DCUN1D1: variants seen among roughly 807,000 people sequenced by gnomAD.
DCUN1D1 encodes DCN1-like protein 1.
Under a neutral mutation model 39.0 loss-of-function variants are expected in DCUN1D1, and 3 were observed. The ratio of observed to expected loss-of-function variants is 0.08; its 90% CI spans 0.04 to 0.20. The LOEUF (loss-of-function observed/expected upper bound fraction) is 0.20. Among genes scored for constraint, DCUN1D1 ranks in the 10% least tolerant of loss-of-function variants. The pLI is 1.00. For missense variants in DCUN1D1, 158 were observed against 302.4 expected (o/e 0.52, Z 3.54); for synonymous variants, 82 against 96.3 (o/e 0.85, Z 0.87).
chr3:182,976,444 T>TACATACACAC, intron 1 of DCUN1D1, among the ~76,000 whole-genome samples: 1 of 140,772 alleles, frequency 7.1e-6, no homozygotes, highest in African/African-American at 2.7e-5. Flanking sequence ...TATACATACA[T>TACATACACAC]ACACACACAC....
chr3:182,957,501 C>T (rs184589395), intron 4 of DCUN1D1, among the ~76,000 whole-genome samples: 464 of 152,160 alleles, frequency 3.0e-3, no homozygotes, highest in African/African-American at 0.011. Flanking sequence ...GTGGCACACG[C>T]CTGTAGTCTG....
chr3:182,980,529 C>A lies in DCUN1D1; in HGVS notation c.-40G>T. On this transcript the variant is annotated 5_prime_UTR_variant, in exon 1 of 7. Transcript: ENST00000292782. Reference sequence around the variant, plus strand: ...GGCCTCTCCCCTCCTCCTCCGGCTCCGCAGCGAATGGACGGCGGCGGCGGC... The same window carrying A: ...GGCCTCTCCCCTCCTCCTCCGGCTCAGCAGCGAATGGACGGCGGCGGCGGC... 2 of 1,232,322 alleles carry A rather than the reference C, an allele frequency of 1.6e-6. No homozygotes were observed. Among genetic ancestry groups the A allele is most frequent in the Non-Finnish European group, 2.1e-6 (2 of 969,412 alleles). The allele number at this position is 1,232,322 out of a possible 1,614,324, so 76.3% of individuals were successfully genotyped here.
Position 182,971,557 on chromosome 3 carries a change from AAGG to A in DCUN1D1, c.4-5807_4-5805del, listed in dbSNP as rs150976938. Reference sequence around the variant, plus strand: ...CACTGCACTCCAGCCTGGACAAGAGAAGGCATGCGACCCTATCTTAAAAAAAAA... The same window carrying A: ...CACTGCACTCCAGCCTGGACAAGAGACATGCGACCCTATCTTAAAAAAAAA... On this transcript the variant is annotated intron_variant, in intron 1 of 6. Coordinates refer to ENST00000292782, the MANE Select transcript of DCUN1D1 (RefSeq NM_020640.4). Among the ~76,000 whole-genome samples the A allele has an allele frequency of 8.4e-3, 1,279 of 151,586 alleles. 17 individuals are homozygous for A. The highest frequency in any genetic ancestry group is 0.029 in the African/African-American group (1,209 of 41,224).
At chr3:182,967,688 T>C (rs1171370726) in intron 1 of DCUN1D1, among the ~76,000 whole-genome samples, 1 of 152,204 alleles carries the variant, frequency 6.6e-6, no homozygotes, top group African/African-American at 2.4e-5. Flanking sequence ...ATAAGTCATA[T>C]CCCATTGCAA....
intron 4 of DCUN1D1, chr3:182,950,972 C>T (rs1429242007): frequency 2.2e-5 from 3 of 135,388 alleles, no homozygotes; most frequent in South Asian, 2.3e-4. Context: ...CGCCATTGCA[C>T]TCCAGCCTGG....
At position 182,939,574 on chromosome 3, in the gene DCUN1D1, C is replaced by T. The variant is rs1166357534; in HGVS notation, c.*5520G>A. 6.6e-6 allele frequency: 1 copy of T among 152,150 alleles called. No homozygotes were observed. The highest frequency in any genetic ancestry group is 2.1e-4 in the South Asian group (1 of 4,830). 9.4% of individuals were successfully genotyped at this position (152,150 alleles called of 1,614,324 possible). On this transcript the variant is annotated 3_prime_UTR_variant, in exon 7 of 7. Coordinates refer to ENST00000292782, the MANE Select transcript of DCUN1D1 (RefSeq NM_020640.4). ...CTGCAACATGGATGAACCTCAAAAA[C>T]ATGCTAAGTGAAAGATGCCAGATAT...
chr3:182,967,313 T>C (rs1727722136), intron 1 of DCUN1D1, among the ~76,000 whole-genome samples: 1 of 151,940 alleles, frequency 6.6e-6, no homozygotes, highest in Non-Finnish European at 1.5e-5. Flanking sequence ...CAGGTTGTTA[T>C]TAGTAGAAAT....
intron 4 of DCUN1D1, among the ~76,000 whole-genome samples, chr3:182,948,435 A>G (rs1378148476): frequency 2.0e-5 from 3 of 152,016 alleles, no homozygotes; most frequent in Non-Finnish European, 4.4e-5. Context: ...AACTACACTT[A>G]TCACACGACA....
At chr3:182,984,084 A>G (rs533758760), upstream of DCUN1D1, among the ~76,000 whole-genome samples, 8 of 152,352 alleles carry the variant, frequency 5.3e-5, no homozygotes, top group African/African-American at 1.9e-4. Flanking sequence ...CTACATAGTC[A>G]CAGTGGGATA....
chr3:182,951,762 T>C (rs1374682973), intron 4 of DCUN1D1, among the ~76,000 whole-genome samples: 11 of 148,404 alleles, frequency 7.4e-5, no homozygotes, highest in Non-Finnish European at 1.5e-4. Context: ...AGTGGTGCGA[T>C]CCCTGCTCAC....
At chr3:182,971,496 C>A (rs539648403) in intron 1 of DCUN1D1, among the ~76,000 whole-genome samples, 132 of 151,374 alleles carry the variant, frequency 8.7e-4, no homozygotes, top group Non-Finnish European at 1.6e-3. Context: ...TCACTTGAGC[C>A]CGGGAGATAG....
intron 4 of DCUN1D1, among the ~76,000 whole-genome samples, 161 bp downstream of exon 4, chr3:182,961,065 G>T (rs556342578): frequency 6.6e-6 from 1 of 152,090 alleles, no homozygotes; most frequent in Non-Finnish European, 1.5e-5. Flanking sequence ...CAATGTGCAT[G>T]GTATTTTCTG....
chr3:182,969,120 C>G (rs1317109642), intron 1 of DCUN1D1, among the ~76,000 whole-genome samples: 8 of 152,174 alleles, frequency 5.3e-5, no homozygotes, highest in Non-Finnish European at 7.4e-5. Flanking sequence ...CTTACACTTA[C>G]AATGCACTCT....
chr3:182,970,242 T>A (rs1231490239), intron 1 of DCUN1D1, among the ~76,000 whole-genome samples: 1 of 151,866 alleles, frequency 6.6e-6, no homozygotes, highest in African/African-American at 2.4e-5. Context: ...ACAGCCTGGG[T>A]GACAGAGCGA....
Position 182,976,444 on chromosome 3 carries a change from TACACACACACACACACACACACAC to T in DCUN1D1, c.3+4019_3+4042del, listed in dbSNP as rs59465164. 5.7e-5 allele frequency among the ~76,000 whole-genome samples: 8 copies of T among 140,772 alleles called. No homozygotes were observed. In the South Asian group the frequency reaches 9.3e-4, roughly 16 times the overall value. The allele number at this position is 140,772 out of a possible 152,430, so 92.4% of individuals were successfully genotyped here. A position where few individuals can be genotyped will look rare whatever the true frequency, so the allele number is the denominator to read the frequency against. ...ATATACACATGTACATATACATACA[TACACACACACACACACACACACAC>T]ACACACACACACACACACACTGCTC... is the stretch of plus-strand genomic sequence containing the variant. On this transcript the variant is annotated intron_variant, in intron 1 of 6. Transcript: ENST00000292782.
rs1726220571 is a variant in DCUN1D1, at chr3:182,943,167, T to G, written c.*1927A>C. On this transcript the variant is annotated 3_prime_UTR_variant, in exon 7 of 7. Coordinates refer to ENST00000292782, the MANE Select transcript of DCUN1D1 (RefSeq NM_020640.4). ...TGGGATCTCATTTCAAAACACAGCATATGTGAATTAATCAATCTGAAACCA... is the reference window on the plus strand; with the variant it reads ...TGGGATCTCATTTCAAAACACAGCAGATGTGAATTAATCAATCTGAAACCA... The G allele has an allele frequency of 9.2e-6, 1 of 108,806 alleles. No individual in the cohort carries two copies. Among genetic ancestry groups the G allele is most frequent in the Non-Finnish European group, 1.9e-5 (1 of 53,700 alleles). The allele number at this position is 108,806 out of a possible 1,614,324, so 6.7% of individuals were successfully genotyped here.
upstream of DCUN1D1, chr3:182,980,547 G>A: frequency 2.5e-6 from 3 of 1,207,248 alleles, no homozygotes; most frequent in Non-Finnish European, 2.1e-6. Context: ...ATGGACGGCG[G>A]CGGCGGCGGC....
rs966284022 is a variant in DCUN1D1 at position 182,939,227 on chromosome 3, T to C, written c.*5867A>G. On this transcript the variant is annotated 3_prime_UTR_variant, in exon 7 of 7. Coordinates refer to ENST00000292782, the MANE Select transcript of DCUN1D1 (RefSeq NM_020640.4). Reference sequence around the variant, plus strand: ...AAAAAGACAAGTATTGGCAAGGATGTGCAGACACGGCAGTCCGCATGCACT... The same window carrying C: ...AAAAAGACAAGTATTGGCAAGGATGCGCAGACACGGCAGTCCGCATGCACT... The C allele has an allele frequency of 2.6e-5, 4 of 152,198 alleles. No individual in the cohort carries two copies. Among genetic ancestry groups the C allele is most frequent in the Admixed American group, 6.5e-5 (1 of 15,274 alleles). 9.4% of individuals were successfully genotyped at this position (152,198 alleles called of 1,614,324 possible).
At chr3:182,970,498 A>G (rs769240972) in intron 1 of DCUN1D1, among the ~76,000 whole-genome samples, 1 of 152,180 alleles carries the variant, frequency 6.6e-6, no homozygotes, top group Non-Finnish European at 1.5e-5. Context: ...TATTTCCATT[A>G]TCTTGAATTT....
Sources: gnomAD v4.1 joint callset for allele counts (sites outside exome capture counted in the v4.1 genomes callset) on GRCh38, gnomAD v4.1.1 for gene constraint, MANE v1.5 for transcripts, NCBI Gene and HGNC (gene_info 2026-07-23, HGNC 2026-07-21) for gene names.